Variants in NOL4 observed in about 807,000 individuals in gnomAD.
The protein encoded by NOL4 is cancer/testis antigen 125.
A neutral mutation model predicts 75.9 loss-of-function variants in NOL4; 17 were observed. That is an observed-to-expected ratio of 0.22 (90% CI 0.15 to 0.34). The LOEUF is 0.34. Among genes scored for constraint, NOL4 ranks in the 10% least tolerant of loss-of-function variants. NOL4 has a pLI of 1.00. For missense variants in NOL4, 614 were observed against 793.5 expected (o/e 0.77, Z 2.72); for synonymous variants, 292 against 289.9 (o/e 1.01, Z -0.07).
intron 5 of NOL4, among the ~76,000 whole-genome samples, chr18:34,059,137 A>ATATATATG (rs1487279258): frequency 8.0e-5 from 8 of 99,624 alleles, no homozygotes; most frequent in South Asian, 7.4e-4. Flanking sequence ...ATATATATAT[A>ATATATATG]TATATATATA....
intron 8 of NOL4, 28 bp downstream of exon 8, chr18:33,957,298 T>TA (rs745717859): frequency 1.3e-6 from 2 of 1,588,034 alleles, no homozygotes; most frequent in Non-Finnish European, 1.7e-6. Context: ...TGATGGAGTC[T>TA]AGGGCTGTGT....
intron 9 of NOL4, among the ~76,000 whole-genome samples, chr18:33,913,747 T>C (rs1164582045): frequency 6.6e-6 from 1 of 152,158 alleles, no homozygotes; most frequent in Non-Finnish European, 1.5e-5. Context: ...AATTCACTAC[T>C]CTGCCATACT....
intron 1 of NOL4, chr18:34,222,505 C>T (rs978711948): frequency 2.1e-6 from 2 of 944,338 alleles, no homozygotes; most frequent in African/African-American, 1.8e-5. Context: ...CCACATCCAC[C>T]GCTAGCGCTA....
At position 34,133,171 on chromosome 18, in the gene NOL4, C is replaced by T. The variant is rs185785137; in HGVS notation, c.265-3151G>A. Among the ~76,000 whole-genome samples the T allele has an allele frequency of 1.6e-3, 236 of 151,034 alleles. 1 individual carries two copies. Among genetic ancestry groups the T allele is most frequent in the African/African-American group, 5.5e-3 (228 of 41,134 alleles). ...CCTGTAATCCCAGCTACTTGGGAGG[C>T]TGAGGCAGGAGAATAGCTTGAACCT... On this transcript the variant is annotated intron_variant, in intron 1 of 10. Coordinates refer to ENST00000261592, the MANE Select transcript of NOL4 (RefSeq NM_003787.5).
In NOL4 at chr18:33,968,287, G is replaced by T. The variant is rs140216658; in HGVS notation, c.1057-9869C>A. Among the ~76,000 whole-genome samples the T allele has an allele frequency of 1.4e-3, 211 of 152,076 alleles. 3 individuals are homozygous for T. The highest frequency in any genetic ancestry group is 9.7e-4 in the East Asian group (5 of 5,168). On this transcript the variant is annotated intron_variant, in intron 6 of 10. Transcript: ENST00000261592. ...CCAGTAATCCCATTACTGCATACAA[G>T]CCCAAGGGAAATCAAATCATTTTAC...
chr18:33,917,682 T>C lies in NOL4; in HGVS notation c.1542+25383A>G, dbSNP rs576071152. Among the ~76,000 whole-genome samples, 37 of 152,058 alleles carry C rather than the reference T, an allele frequency of 2.4e-4. No individual in the cohort carries two copies. The East Asian group carries it at 7.0e-3, about 29-fold the overall frequency. On this transcript the variant is annotated intron_variant, in intron 9 of 10. Coordinates refer to ENST00000261592, the MANE Select transcript of NOL4 (RefSeq NM_003787.5). ...GTTAATTTTTTTTTTATTTTAATGC[T>C]TAGTAGAGATGAGGTCTCGCTATTT...
chr18:34,012,365 AT>A (rs2074421620), intron 6 of NOL4, among the ~76,000 whole-genome samples: 1 of 151,926 alleles, frequency 6.6e-6, no homozygotes, highest in Non-Finnish European at 1.5e-5. Context: ...CTATAAAGCT[AT>A]TAACTTTATT....
intron 9 of NOL4, among the ~76,000 whole-genome samples, chr18:33,942,635 C>T (rs934421925): frequency 6.6e-6 from 1 of 151,766 alleles, no homozygotes; most frequent in Non-Finnish European, 1.5e-5. Context: ...GTACTGTCAC[C>T]ACCCTCAGCA....
At chr18:34,141,661 A>C (rs1360944864) in intron 1 of NOL4, among the ~76,000 whole-genome samples, 1 of 152,220 alleles carries the variant, frequency 6.6e-6, no homozygotes, top group African/African-American at 2.4e-5. Context: ...TGCCTTCCTT[A>C]CACCTTATAC....
chr18:34,119,868 C>G (rs981717010), intron 2 of NOL4, among the ~76,000 whole-genome samples: 1 of 152,046 alleles, frequency 6.6e-6, no homozygotes, highest in South Asian at 2.1e-4. Context: ...GTGATCCACC[C>G]GCCTCGGCCT....
intron 2 of NOL4, among the ~76,000 whole-genome samples, chr18:34,109,281 A>G (rs2079469237): frequency 6.6e-6 from 1 of 152,064 alleles, no homozygotes; most frequent in Non-Finnish European, 1.5e-5. Context: ...GTAGCTGAAA[A>G]GGAAGGATCA....
intron 1 of NOL4, among the ~76,000 whole-genome samples, chr18:34,195,599 C>A (rs2035269331): frequency 6.9e-6 from 1 of 144,398 alleles, no homozygotes; most frequent in Non-Finnish European, 1.5e-5. Context: ...CTTTAAGTTT[C>A]AAGGTTTGTA....
At chr18:33,858,298 CTTTG>C (rs756889410) in intron 10 of NOL4, among the ~76,000 whole-genome samples, 5 of 151,742 alleles carry the variant, frequency 3.3e-5, no homozygotes, top group East Asian at 1.9e-4. Flanking sequence ...CCCTTGAAAA[CTTTG>C]TTTGTAGGCC....
chr18:33,863,898 T>C (rs2144342200), intron 10 of NOL4, among the ~76,000 whole-genome samples: 1 of 152,254 alleles, frequency 6.6e-6, no homozygotes, highest in African/African-American at 2.4e-5. Context: ...CCATACAGCC[T>C]CCAAAATCTA....
chr18:34,192,962 T>G (rs1341977502), intron 1 of NOL4, among the ~76,000 whole-genome samples: 1 of 152,174 alleles, frequency 6.6e-6, no homozygotes, highest in Non-Finnish European at 1.5e-5. Flanking sequence ...AAGAAGGCCC[T>G]CACCAGATGC....
intron 4 of NOL4, among the ~76,000 whole-genome samples, chr18:34,098,598 A>G (rs1215149316): frequency 6.6e-6 from 1 of 152,218 alleles, no homozygotes; most frequent in Non-Finnish European, 1.5e-5. Flanking sequence ...TCATTTTTGT[A>G]TTAAGACACT....
At chr18:33,876,718 A>G (rs1398415424) in intron 10 of NOL4, among the ~76,000 whole-genome samples, 1 of 152,122 alleles carries the variant, frequency 6.6e-6, no homozygotes, top group Admixed American at 6.6e-5. Flanking sequence ...GAATTTATGA[A>G]GAAAGTACAC....
intron 1 of NOL4, among the ~76,000 whole-genome samples, chr18:34,162,294 G>C (rs1011970880): frequency 1.3e-5 from 2 of 152,008 alleles, no homozygotes; most frequent in Admixed American, 6.6e-5. Flanking sequence ...TTAATGAATC[G>C]AGGAGATGGT....
At chr18:34,131,053 T>TACACAC (rs1181691737) in intron 1 of NOL4, among the ~76,000 whole-genome samples, 1 of 137,022 alleles carries the variant, frequency 7.3e-6, no homozygotes, top group African/African-American at 2.8e-5. Flanking sequence ...CACATACACA[T>TACACAC]ACACACACAC....
Sources: gnomAD v4.1 joint callset for allele counts (sites outside exome capture counted in the v4.1 genomes callset) on GRCh38, gnomAD v4.1.1 for gene constraint, MANE v1.5 for transcripts, NCBI Gene and HGNC (gene_info 2026-07-23, HGNC 2026-07-21) for gene names.